Variants in ADAM32 observed in about 807,000 individuals in gnomAD.
The protein encoded by ADAM32 is disintegrin and metalloproteinase domain-containing protein 32.
A neutral mutation model predicts 114.9 loss-of-function variants in ADAM32; 89 were observed. The observed-to-expected ratio is 0.77, with a 90% CI of 0.65 to 0.92. ADAM32 has a LOEUF of 0.92. Ranked by LOEUF, ADAM32 falls within the 40% of genes least tolerant of loss-of-function variation. ADAM32 has a pLI of 0.00. For missense variants in ADAM32, 870 were observed against 932.8 expected (o/e 0.93, Z 0.88); for synonymous variants, 285 against 307.5 (o/e 0.93, Z 0.77).
chr8:39,251,034 T>C (rs1811253935), intron 17 of ADAM32, among the ~76,000 whole-genome samples: 1 of 151,964 alleles, frequency 6.6e-6, no homozygotes, highest in Non-Finnish European at 1.5e-5. Flanking sequence ...ATGTTTTACA[T>C]TGTGTATGTA....
At chr8:39,121,440 G>T (rs1178240072) in intron 2 of ADAM32, among the ~76,000 whole-genome samples, 1 of 152,076 alleles carries the variant, frequency 6.6e-6, no homozygotes, top group East Asian at 1.9e-4. Flanking sequence ...TCACACACTG[G>T]GGCCAGTCGG....
chr8:39,130,050 G>T, intron 2 of ADAM32: 1 of 220,034 alleles, frequency 4.5e-6, no homozygotes, highest in Non-Finnish European at 9.4e-6. Flanking sequence ...AGCCTCCCAG[G>T]TTCAAGTGAT....
intron 15 of ADAM32, 57 bp downstream of exon 15, chr8:39,232,192 C>A: frequency 7.2e-7 from 1 of 1,394,136 alleles, no homozygotes; most frequent in Non-Finnish European, 9.9e-7. Flanking sequence ...TTTTTAAAAA[C>A]TTTGCCCCCT....
intron 3 of ADAM32, among the ~76,000 whole-genome samples, chr8:39,139,880 G>A (rs1018283907): frequency 2.6e-5 from 4 of 152,044 alleles, no homozygotes; most frequent in Admixed American, 2.6e-4. Context: ...TCCTTGAAGA[G>A]GTCCTTCACA....
At chr8:39,201,169 T>C (rs888113692) in intron 11 of ADAM32, among the ~76,000 whole-genome samples, 3 of 152,210 alleles carry the variant, frequency 2.0e-5, no homozygotes, top group African/African-American at 7.2e-5. Context: ...AGAAAGTCAT[T>C]GGTAGCTTGA....
chr8:39,142,992 C>T (rs756594379), intron 3 of ADAM32, among the ~76,000 whole-genome samples: 2 of 152,092 alleles, frequency 1.3e-5, no homozygotes, highest in Non-Finnish European at 2.9e-5. Context: ...TCCACTTGAT[C>T]GAATCGGCTA....
intron 17 of ADAM32, among the ~76,000 whole-genome samples, chr8:39,251,599 T>C (rs1344003824): frequency 6.6e-6 from 1 of 151,898 alleles, no homozygotes; most frequent in Non-Finnish European, 1.5e-5. Context: ...TTGAGCTCCT[T>C]ATATATTATG....
chr8:39,211,626 A>G (rs1165589962), intron 12 of ADAM32, among the ~76,000 whole-genome samples: 5 of 152,174 alleles, frequency 3.3e-5, no homozygotes, highest in Non-Finnish European at 5.9e-5. Context: ...ATCTTTGGAC[A>G]TTTTACAGAT....
chr8:39,225,070 C>A (rs1233783784), intron 14 of ADAM32, among the ~76,000 whole-genome samples: 1 of 152,162 alleles, frequency 6.6e-6, no homozygotes, highest in African/African-American at 2.4e-5. Context: ...CCTCTGGCTC[C>A]ATGGAAAATG....
At chr8:39,201,562 G>A (rs1306788146) in intron 11 of ADAM32, among the ~76,000 whole-genome samples, 12 of 152,160 alleles carry the variant, frequency 7.9e-5, no homozygotes, top group African/African-American at 2.2e-4. Flanking sequence ...ATACAATCAC[G>A]TCATCTGCAA....
At chr8:39,117,989 C>G (rs1045804459) in intron 1 of ADAM32, 97 bp from the exon 2 acceptor site, 1 of 740,982 alleles carries the variant, frequency 1.3e-6, no homozygotes, top group African/African-American at 1.9e-5. Flanking sequence ...GATGAGCCAC[C>G]CATACCTGCA....
intron 2 of ADAM32, among the ~76,000 whole-genome samples, chr8:39,124,870 G>C (rs1304252756): frequency 6.6e-6 from 1 of 152,134 alleles, no homozygotes; most frequent in African/African-American, 2.4e-5. Context: ...CCCAGTAAAG[G>C]GATTGCTAGG....
chr8:39,118,432 A>T (rs748025211), intron 2 of ADAM32, among the ~76,000 whole-genome samples: 9 of 152,156 alleles, frequency 5.9e-5, no homozygotes, highest in Admixed American at 1.3e-4. Flanking sequence ...TATCTGAGTG[A>T]TATCTAGGAC....
Position 39,252,696 on chromosome 8 carries a change from A to G in ADAM32, c.1903-1718A>G, listed in dbSNP as rs538967018. 9.2e-5 allele frequency among the ~76,000 whole-genome samples: 14 copies of G among 151,742 alleles called. No individual in the cohort carries two copies. The South Asian group carries it at 2.7e-3, about 29-fold the overall frequency. On this transcript the variant is annotated intron_variant, in intron 17 of 24. Transcript: ENST00000379907. ...ACTCTTAGGTAAAATAGCAAGAAAA[A>G]AAGAAATAAGACTCAAAATCAGAAA...
intron 19 of ADAM32, among the ~76,000 whole-genome samples, chr8:39,262,682 T>A (rs1422734309): frequency 6.7e-6 from 1 of 150,306 alleles, no homozygotes; most frequent in Non-Finnish European, 1.5e-5. Context: ...CCTCTCTCTC[T>A]TTCACTCCCT....
At chr8:39,132,541 A>G (rs1802527927) in intron 2 of ADAM32, among the ~76,000 whole-genome samples, 1 of 152,230 alleles carries the variant, frequency 6.6e-6, no homozygotes, top group Non-Finnish European at 1.5e-5. Context: ...ACAATGCTAT[A>G]TCTTTTAAAG....
In ADAM32 at chr8:39,122,408, A is replaced by G. The variant is rs183333781; in HGVS notation, c.138+4243A>G. ...TGTCCTTATAAGAAGAGGAAGAGATACAAGAGGTCCTTGTCTGTCTCCATG... is the reference window on the plus strand; with the variant it reads ...TGTCCTTATAAGAAGAGGAAGAGATGCAAGAGGTCCTTGTCTGTCTCCATG... On this transcript the variant is annotated intron_variant, in intron 2 of 24. Transcript: ENST00000379907. Among the ~76,000 whole-genome samples, 302 of 152,290 alleles carry G rather than the reference A, an allele frequency of 2.0e-3. 1 individual carries two copies. The highest frequency in any genetic ancestry group is 6.5e-3 in the African/African-American group (271 of 41,570).
rs751850104 is a variant in ADAM32 at position 39,221,630 on chromosome 8, T to C, written c.1254T>C (p.Cys418=). ...GTEAQCGPAS[C]CDFRTCVLKD... ...CATAGCAATGTGGACCTGCAAGCTG[T>C]TGTGATTTTCGAACTTGTGTACTGA... The change falls in exon 13 of 25, where the codon TGT becomes TGC. Residue 418 remains cysteine, a synonymous_variant. Coordinates refer to ENST00000379907, the MANE Select transcript of ADAM32 (RefSeq NM_145004.7). 3.7e-6 allele frequency: 6 copies of C among 1,611,830 alleles called. No individual in the cohort carries two copies. The African/African-American group carries it at 8.0e-5, about 22-fold the overall frequency.
At chr8:39,114,860 C>G (rs540872657) in intron 1 of ADAM32, among the ~76,000 whole-genome samples, 44 of 152,284 alleles carry the variant, frequency 2.9e-4, no homozygotes, top group Admixed American at 1.2e-3. Flanking sequence ...TTTCAGTCCT[C>G]TCCCTCCTCC....
Sources: allele counts gnomAD v4.1 joint callset (sites outside exome capture counted in the v4.1 genomes callset), GRCh38; gene constraint gnomAD v4.1.1; transcripts MANE v1.5; gene names NCBI Gene and HGNC (gene_info 2026-07-23, HGNC 2026-07-21).